ACVR2B: variants seen among roughly 807,000 people sequenced by gnomAD.
The protein encoded by ACVR2B is activin A receptor type 2B.
Under a neutral mutation model 65.1 loss-of-function variants are expected in ACVR2B, and 18 were observed. The ratio of observed to expected loss-of-function variants is 0.28; its 90% confidence interval spans 0.19 to 0.41. ACVR2B has a LOEUF of 0.41. Among genes scored for constraint, ACVR2B ranks in the 10% least tolerant of loss-of-function variants. The pLI is 1.00. For synonymous variants in ACVR2B, 298 were observed against 277.7 expected, an observed-to-expected ratio of 1.07 and a Z score of -0.73; for missense variants, 482 against 682.7, an observed-to-expected ratio of 0.71 and a Z score of 3.28.
chr3:38,477,888 C>G lies in ACVR2B; in HGVS notation c.288C>G (p.Asn96Lys). ...AGGAGTGTGTGGCCACTGAGGAGAA[C>G]CCCCAGGTGTACTTCTGCTGCTGTG... ...DRQECVATEENPQVYFCCCEG... is the reference protein window; with the variant it reads ...DRQECVATEEKPQVYFCCCEG... Residue 96 changes from asparagine to lysine, a missense_variant, in exon 3 of 11, where the codon AAC becomes AAG. By Grantham distance (94) the Asn-to-Lys change is moderately conservative. Around this residue, in one of 5 missense-constraint regions of ACVR2B, gnomAD observed 85 missense variants for 137.3 expected, o/e 0.62. Transcript: ENST00000352511. This position sits in a 1 kb window ranked among gnomAD's most constrained non-coding sequence, Gnocchi z 6.7. 6.2e-7 allele frequency: 1 copy of G among 1,614,052 alleles called. No homozygotes were observed. The highest frequency in any genetic ancestry group is 2.2e-5 in the East Asian group (1 of 44,856).
intron 1 of ACVR2B, among the ~76,000 whole-genome samples, chr3:38,456,586 T>C (rs1365337427): frequency 3.3e-5 from 5 of 152,234 alleles, no homozygotes; most frequent in Non-Finnish European, 7.3e-5. Flanking sequence ...TTGTCAAAGT[T>C]CTGGAAGCTC....
Position 38,482,482 on chromosome 3 carries a change from T to G in ACVR2B, c.1266T>G (p.Pro422=). The change falls in exon 10 of 11, where the codon CCT becomes CCG. Residue 422 remains proline, a synonymous_variant. Transcript: ENST00000352511. ...TTGAGGAAGAGATTGGCCAGCACCC[T>G]TCGTTGGAGGAGCTGCAGGAGGTGG... ...LPFEEEIGQH[P]SLEELQEVVV... is the part of the protein sequence containing the mutation. 6.2e-7 allele frequency: 1 copy of G among 1,612,866 alleles called. No individual in the cohort carries two copies. The highest frequency in any genetic ancestry group is 8.5e-7 in the Non-Finnish European group (1 of 1,179,882).
Position 38,483,281 on chromosome 3 carries a change from G to A in ACVR2B, c.1488G>A (p.Leu496=). ...CTACCTCGGACTGTCTCGTTTCCCT[G>A]GTGACCTCTGTCACCAATGTGGACC... ...NGTTSDCLVS[L]VTSVTNVDLP... The change falls in exon 11 of 11, where the codon CTG becomes CTA. Residue 496 remains leucine (L), a synonymous_variant. Coordinates refer to ENST00000352511, the MANE Select transcript of ACVR2B (RefSeq NM_001106.4). This position sits in a 1 kb window ranked among gnomAD's most constrained non-coding sequence, Gnocchi z 4.8. 1.2e-6 allele frequency: 2 copies of A among 1,613,998 alleles called. No homozygotes were observed. Among genetic ancestry groups the A allele is most frequent in the South Asian group, 2.2e-5 (2 of 91,074 alleles).
In ACVR2B at chr3:38,484,288, A is replaced by G. The variant is rs1469056701; in HGVS notation, c.*956A>G. 6.6e-6 allele frequency: 1 copy of G among 152,262 alleles called. No homozygotes were observed. The highest frequency in any genetic ancestry group is 2.4e-5 in the African/African-American group (1 of 41,456). 9.4% of individuals were successfully genotyped at this position (152,262 alleles called of 1,614,324 possible). ...CACAGGTTAGGAATACATTCTTCATAAGACACGATGCTGTAAATACCCTTA... is the reference window on the plus strand; with the variant it reads ...CACAGGTTAGGAATACATTCTTCATGAGACACGATGCTGTAAATACCCTTA... On this transcript the variant is annotated 3_prime_UTR_variant, in exon 11 of 11. Coordinates refer to ENST00000352511, the MANE Select transcript of ACVR2B (RefSeq NM_001106.4).
chr3:38,480,795 C>G (rs141653031), intron 7 of ACVR2B, among the ~76,000 whole-genome samples: 93 of 152,318 alleles, frequency 6.1e-4, no homozygotes, highest in African/African-American at 2.1e-3. Flanking sequence ...CAGTCGAATC[C>G]TCACAAGGCT....
At chr3:38,475,326 G>T (rs1709889235) in intron 1 of ACVR2B, 1 of 152,266 alleles carries the variant, frequency 6.6e-6, no homozygotes, top group Non-Finnish European at 1.5e-5. Context: ...GGACCCTGAG[G>T]CCCTTCCTTT....
In ACVR2B at chr3:38,490,831, T is replaced by C. The variant is rs1187632857; in HGVS notation, c.*7499T>C. ...TCCCAAGGACTGAAGAAAGGGCTTC[T>C]GGCAAGCTCGTCATGGCATTGTGGT... is the stretch of plus-strand genomic sequence containing the variant. On this transcript the variant is annotated 3_prime_UTR_variant, in exon 11 of 11. Coordinates refer to ENST00000352511, the MANE Select transcript of ACVR2B (RefSeq NM_001106.4). 6.5e-6 allele frequency: 1 copy of C among 152,694 alleles called. No individual in the cohort carries two copies. The highest frequency in any genetic ancestry group is 1.9e-4 in the East Asian group (1 of 5,192). The allele number at this position is 152,694 out of a possible 1,614,324, so 9.5% of individuals were successfully genotyped here. A position where few individuals can be genotyped will look rare whatever the true frequency, so the allele number is the denominator to read the frequency against.
intron 1 of ACVR2B, among the ~76,000 whole-genome samples, chr3:38,462,194 A>AAAAT (rs749787345): frequency 6.2e-4 from 94 of 151,992 alleles, no homozygotes; most frequent in Admixed American, 6.5e-4. Context: ...ACTCCATCTC[A>AAAAT]AAATAAATAA....
Position 38,454,305 on chromosome 3 carries a change from G to T in ACVR2B, c.-18G>T, listed in dbSNP as rs1473628103. ...CTGCCCGCGGGCTCCGGGTGTGCGC[G>T]GGGCGGCGCCGCGGAACATGACGGC... On this transcript the variant is annotated 5_prime_UTR_variant, in exon 1 of 11. Coordinates refer to ENST00000352511, the MANE Select transcript of ACVR2B (RefSeq NM_001106.4). 1.6e-6 allele frequency: 2 copies of T among 1,270,402 alleles called. No homozygotes were observed. The allele number at this position is 1,270,402 out of a possible 1,614,324, so 78.7% of individuals were successfully genotyped here. A position where few individuals can be genotyped will look rare whatever the true frequency, so the allele number is the denominator to read the frequency against.
chr3:38,459,590 A>G (rs1475990461), intron 1 of ACVR2B: 1 of 985,262 alleles, frequency 1.0e-6, no homozygotes, highest in Non-Finnish European at 1.2e-6. Flanking sequence ...CCTTCCCCTG[A>G]GTGGACCTGC....
chr3:38,454,622 C>T, intron 1 of ACVR2B: 1 of 333,644 alleles, frequency 3.0e-6, no homozygotes, highest in Non-Finnish European at 5.4e-6. Context: ...GCGATGGGGG[C>T]CGGGACGCGG....
rs574410633 is a variant in ACVR2B, at chr3:38,476,767, A to G, written c.53-520A>G. The G allele has an allele frequency of 3.3e-5, 6 of 182,816 alleles. No homozygotes were observed. The East Asian group carries it at 4.0e-4, about 12-fold the overall frequency. The allele number at this position is 182,816 out of a possible 1,614,324, so 11.3% of individuals were successfully genotyped here. A position where few individuals can be genotyped will look rare whatever the true frequency, so the allele number is the denominator to read the frequency against. ...GATTAAAAGCACATATTCTGCCCCC[A>G]TTCCCATTGGGATGGGTCTGGATTG... On this transcript the variant is annotated intron_variant, in intron 1 of 10. Coordinates refer to ENST00000352511, the MANE Select transcript of ACVR2B (RefSeq NM_001106.4).
chr3:38,478,929 C>A (rs1231769318), intron 5 of ACVR2B, among the ~76,000 whole-genome samples, 199 bp from the exon 6 acceptor site: 1 of 151,836 alleles, frequency 6.6e-6, no homozygotes, highest in Admixed American at 6.6e-5. Flanking sequence ...CTGTTGGCCT[C>A]ATGCTCTGGG....
chr3:38,478,239 T>C lies in ACVR2B; in HGVS notation c.469T>C (p.Phe157Leu). ...GGLSLIVLLA[F>L]WMYRHRKPPY... is the part of the protein sequence containing the mutation. ...CCTTTCCCTCATCGTCCTGCTGGCC[T>C]TTTGGATGTACCGGCATCGCAAGCC... is the stretch of plus-strand genomic sequence containing the variant. The change falls in exon 4 of 11, where the codon TTT becomes CTT. Residue 157 changes from phenylalanine (F) to leucine (L), a missense_variant. Transcript: ENST00000352511. 1 of 1,614,112 alleles carries C rather than the reference T, an allele frequency of 6.2e-7. No individual in the cohort carries two copies. Among genetic ancestry groups the C allele is most frequent in the Non-Finnish European group, 8.5e-7 (1 of 1,180,002 alleles).
chr3:38,463,758 A>C (rs1284607278), intron 1 of ACVR2B, among the ~76,000 whole-genome samples: 3 of 152,170 alleles, frequency 2.0e-5, no homozygotes, highest in Non-Finnish European at 4.4e-5. Context: ...TTTGTGTCTT[A>C]GTCTGCTCAG....
chr3:38,461,982 C>T (rs1181824405), intron 1 of ACVR2B, among the ~76,000 whole-genome samples: 2 of 152,112 alleles, frequency 1.3e-5, no homozygotes, highest in East Asian at 1.9e-4. Context: ...CACCTGAGGT[C>T]AGGAGTTCAA....
intron 1 of ACVR2B, among the ~76,000 whole-genome samples, chr3:38,470,478 AAGAC>A (rs1709800381): frequency 6.6e-6 from 1 of 152,242 alleles, no homozygotes; most frequent in Non-Finnish European, 1.5e-5. Flanking sequence ...TTCAGGAAGA[AAGAC>A]AAAACATTTT....
chr3:38,481,547 C>G lies in ACVR2B; in HGVS notation c.1074+82C>G. On this transcript the variant is annotated intron_variant, in intron 8 of 10. Coordinates refer to ENST00000352511, the MANE Select transcript of ACVR2B (RefSeq NM_001106.4). This position sits in a 1 kb window ranked among gnomAD's most constrained non-coding sequence, Gnocchi z 4.7. ...CTTTTTGTGCTCAGCTGGGGAGGTGCAGGGATGAGGGTGACTGCATGCGTT... is the reference window on the plus strand; with the variant it reads ...CTTTTTGTGCTCAGCTGGGGAGGTGGAGGGATGAGGGTGACTGCATGCGTT... The G allele has an allele frequency of 8.8e-7, 1 of 1,136,654 alleles. No individual in the cohort carries two copies. The highest frequency in any genetic ancestry group is 1.3e-6 in the Non-Finnish European group (1 of 750,396). 70.4% of individuals were successfully genotyped at this position (1,136,654 alleles called of 1,614,324 possible).
At position 38,482,523 on chromosome 3, in the gene ACVR2B, T is replaced by C. The variant is rs2125726041; in HGVS notation, c.1307T>C (p.Met436Thr). Residue 436 changes from methionine (M) to threonine (T), a missense_variant, in exon 10 of 11, where the codon ATG (methionine) becomes ACG (threonine). By Grantham distance (81) the Met-to-Thr change is moderately conservative (BLOSUM62 -1). Transcript: ENST00000352511. Reference protein sequence around the residue: ...ELQEVVVHKKMRPTIKDHWLK... With the variant: ...ELQEVVVHKKTRPTIKDHWLK... Reference sequence around the variant, plus strand: ...CAGGAGGTGGTGGTGCACAAGAAGATGAGGCCCACCATTAAAGATCACTGG... The same window carrying C: ...CAGGAGGTGGTGGTGCACAAGAAGACGAGGCCCACCATTAAAGATCACTGG... 5.0e-6 allele frequency: 8 copies of C among 1,611,816 alleles called. No individual in the cohort carries two copies. Among genetic ancestry groups the C allele is most frequent in the Non-Finnish European group, 6.8e-6 (8 of 1,179,770 alleles).
Sources: gnomAD v4.1 joint callset for allele counts (sites outside exome capture counted in the v4.1 genomes callset) on GRCh38, gnomAD v4.1.1 for gene constraint, gnomAD v4.1.1 regional missense constraint, Gnocchi (gnomAD v3.1) non-coding constraint, MANE v1.5 for transcripts, NCBI Gene and HGNC (gene_info 2026-07-23, HGNC 2026-07-21) for gene names.